The following SPATA45 variants were observed in gnomAD, a reference collection of about 807,000 sequenced individuals.
The protein encoded by SPATA45 is spermatogenesis-associated protein 45.
In SPATA45, 5 loss-of-function variants were observed where a neutral mutation model predicts 7.0. That is an observed-to-expected ratio of 0.71 (90% CI 0.37 to 1.50). The LOEUF (loss-of-function observed/expected upper bound fraction) is 1.50. Ranked by LOEUF, SPATA45 falls within the 40% of genes most tolerant of loss-of-function variation. The pLI is 0.03. For missense variants in SPATA45, 111 were observed against 114.9 expected (o/e 0.97, Z 0.16); for synonymous variants, 40 against 38.7 (o/e 1.03, Z -0.13).
At chr1:212,842,486 T>C (rs1343834181) in intron 1 of SPATA45, among the ~76,000 whole-genome samples, 1 of 152,208 alleles carries the variant, frequency 6.6e-6, no homozygotes, top group African/African-American at 2.4e-5. Context: ...AAATTCAAAC[T>C]CTTATTACAA....
intron 2 of SPATA45, among the ~76,000 whole-genome samples, chr1:212,833,410 G>A (rs1020148803): frequency 6.0e-5 from 9 of 150,072 alleles, no homozygotes; most frequent in Admixed American, 5.4e-4. Flanking sequence ...TATAATCCCA[G>A]CACTTTGGGA....
intron 1 of SPATA45, among the ~76,000 whole-genome samples, chr1:212,836,952 C>T (rs1041793372): frequency 1.3e-5 from 2 of 151,020 alleles, no homozygotes; most frequent in Non-Finnish European, 3.0e-5. Context: ...CCACCGTACC[C>T]GGCCACACCT....
intron 1 of SPATA45, among the ~76,000 whole-genome samples, chr1:212,842,048 A>G (rs1347519289): frequency 6.6e-6 from 1 of 151,858 alleles, no homozygotes; most frequent in Non-Finnish European, 1.5e-5. Flanking sequence ...GGCGTAAGTC[A>G]TCACTCCCAG....
chr1:212,845,183 T>C (rs1663770152), intron 1 of SPATA45, among the ~76,000 whole-genome samples: 1 of 152,236 alleles, frequency 6.6e-6, no homozygotes, highest in Non-Finnish European at 1.5e-5. Context: ...TCTCATTTCC[T>C]TTCTATCGTG....
intron 2 of SPATA45, among the ~76,000 whole-genome samples, chr1:212,833,293 T>C (rs934619440): frequency 5.3e-5 from 8 of 151,532 alleles, no homozygotes; most frequent in African/African-American, 1.9e-4. Flanking sequence ...TGCATCCTCA[T>C]AGCTTAGCTC....
At position 212,836,127 on chromosome 1, in the gene SPATA45, A is replaced by C; in HGVS notation, c.23T>G (p.Ile8Ser). ...TACTCCATGTTTTTTCATTATTTCA[A>C]TGGTTCTGTTTATAGATGCCATTAT... MASINRT[I>S]EIMKKHGVSK... The change falls in exon 2 of 3, where the codon ATT becomes AGT. Residue 8 changes from isoleucine (I) to serine (S), a missense_variant. Coordinates refer to ENST00000332912, the MANE Select transcript of SPATA45 (RefSeq NM_001024601.3). 2.5e-6 allele frequency: 4 copies of C among 1,604,992 alleles called. No homozygotes were observed. In the East Asian group the frequency reaches 8.9e-5, roughly 36 times the overall value.
At chr1:212,844,801 T>G (rs1243310492) in intron 1 of SPATA45, among the ~76,000 whole-genome samples, 5 of 152,214 alleles carry the variant, frequency 3.3e-5, no homozygotes, top group African/African-American at 1.2e-4. Context: ...TCCTCTATCA[T>G]TAATACTTCT....
At chr1:212,837,458 C>A (rs1663609548) in intron 1 of SPATA45, among the ~76,000 whole-genome samples, 1 of 151,222 alleles carries the variant, frequency 6.6e-6, no homozygotes, top group Non-Finnish European at 1.5e-5. Flanking sequence ...ATAGTGAAAC[C>A]CTGTCTCTAC....
rs1220739521 is a variant in SPATA45 at position 212,845,710 on chromosome 1, TC to T, written c.-39+1869del. 5.3e-5 allele frequency among the ~76,000 whole-genome samples: 8 copies of T among 152,152 alleles called. 1 individual carries two copies. Among genetic ancestry groups the T allele is most frequent in the Non-Finnish European group, 1.5e-5 (1 of 68,042 alleles). ...TACTCACTCTTATTCTGGTTCCCGT[TC>T]TTATGCCACCCTCTACCTCTCCCCA... On this transcript the variant is annotated intron_variant, in intron 1 of 2. Transcript: ENST00000332912.
chr1:212,843,441 T>TA (rs1483428636), intron 1 of SPATA45, among the ~76,000 whole-genome samples: 1 of 152,200 alleles, frequency 6.6e-6, no homozygotes, highest in Non-Finnish European at 1.5e-5. Context: ...ATAGGCACTT[T>TA]AAAAAAAGTT....
At chr1:212,831,029 C>T (rs1663476741) in intron 2 of SPATA45, among the ~76,000 whole-genome samples, 1 of 151,272 alleles carries the variant, frequency 6.6e-6, no homozygotes, top group African/African-American at 2.4e-5. Context: ...ATCCCAGCTA[C>T]TCTGGAGGCT....
chr1:212,844,078 G>A (rs1003423141), intron 1 of SPATA45, among the ~76,000 whole-genome samples: 1 of 152,068 alleles, frequency 6.6e-6, no homozygotes, highest in African/African-American at 2.4e-5. Flanking sequence ...ATTACACACA[G>A]CCAAAGTGCA....
At chr1:212,830,748 T>C (rs1428521990) in intron 2 of SPATA45, among the ~76,000 whole-genome samples, 2 of 145,484 alleles carry the variant, frequency 1.4e-5, no homozygotes, top group East Asian at 2.1e-4. Context: ...TTTGAGAGAC[T>C]GAGGTGGGCG....
intron 1 of SPATA45, among the ~76,000 whole-genome samples, chr1:212,847,285 G>T (rs1663817505): frequency 6.6e-6 from 1 of 152,098 alleles, no homozygotes; most frequent in African/African-American, 2.4e-5. Context: ...AAATGTATTT[G>T]TTATACATAT....
At chr1:212,831,382 A>C (rs1663484399) in intron 2 of SPATA45, among the ~76,000 whole-genome samples, 1 of 149,896 alleles carries the variant, frequency 6.7e-6, no homozygotes, top group African/African-American at 2.4e-5. Context: ...GAGAGGTAGG[A>C]GGATCGCTCG....
chr1:212,847,454 C>T (rs1663820480), intron 1 of SPATA45, 126 bp downstream of exon 1: 1 of 152,044 alleles, frequency 6.6e-6, no homozygotes, highest in Non-Finnish European at 1.5e-5. Context: ...TTTCTAGGAG[C>T]AATGGTTCAG....
At chr1:212,841,882 T>C (rs1663692695) in intron 1 of SPATA45, among the ~76,000 whole-genome samples, 1 of 151,702 alleles carries the variant, frequency 6.6e-6, no homozygotes, top group Non-Finnish European at 1.5e-5. Flanking sequence ...TTCAGCCTAC[T>C]GAGTAGCTGG....
rs568218724 is a variant in SPATA45, at chr1:212,831,163, A to AAAAG, written c.278-906_278-903dup. 5.0e-3 allele frequency among the ~76,000 whole-genome samples: 752 copies of AAAAG among 150,656 alleles called. 5 individuals carry two copies. The highest frequency in any genetic ancestry group is 0.017 in the African/African-American group (714 of 41,266). On this transcript the variant is annotated intron_variant, in intron 2 of 2. Coordinates refer to ENST00000332912, the MANE Select transcript of SPATA45 (RefSeq NM_001024601.3). ...TCCGTCTCAATAAATTAAAAAAAAA[A>AAAAG]AAAGAAAGAAAGAAACACCAAATGG...
chr1:212,843,542 A>G (rs981933863), intron 1 of SPATA45, among the ~76,000 whole-genome samples: 1 of 152,222 alleles, frequency 6.6e-6, no homozygotes, highest in Non-Finnish European at 1.5e-5. Flanking sequence ...AATTGGCTAC[A>G]TAATTTGTAG....
Sources: allele counts gnomAD v4.1 joint callset (sites outside exome capture counted in the v4.1 genomes callset), GRCh38; gene constraint gnomAD v4.1.1; transcripts MANE v1.5; gene names NCBI Gene and HGNC (gene_info 2026-07-23, HGNC 2026-07-21).